Variants in SPECC1 observed in about 807,000 individuals in gnomAD.
SPECC1 encodes sperm antigen with calponin homology and coiled-coil domains 1, also known as cytospin-B.
Under a neutral mutation model 104.1 loss-of-function variants are expected in SPECC1, and 62 were observed. That is an observed-to-expected ratio of 0.60 (90% CI 0.49 to 0.74). SPECC1 has a LOEUF of 0.74. Ranked by LOEUF, SPECC1 falls within the 30% of genes least tolerant of loss-of-function variation. The probability of loss-of-function intolerance (pLI) is 0.00; values close to 1 mark genes in which losing one functional copy is unlikely to be tolerated. For missense variants in SPECC1, 1,306 were observed against 1,310.5 expected, an observed-to-expected ratio of 1.00 and a Z score of 0.05; for synonymous variants, 513 against 501.6, an observed-to-expected ratio of 1.02 and a Z score of -0.30.
At position 20,228,424 on chromosome 17, in the gene SPECC1, G is replaced by C. The variant is rs539209677; in HGVS notation, c.2071+804G>C. On this transcript the variant is annotated intron_variant, in intron 5 of 14. Transcript: ENST00000395527. Reference sequence around the variant, plus strand: ...TACTGCTGCTGTCTCCAGGCAGCCTGATCAGCTTGAAGGCCACATGTTAGG... The same window carrying C: ...TACTGCTGCTGTCTCCAGGCAGCCTCATCAGCTTGAAGGCCACATGTTAGG... Among the ~76,000 whole-genome samples the C allele has an allele frequency of 3.9e-5, 6 of 152,308 alleles. No individual in the cohort carries two copies. The South Asian group carries it at 1.2e-3, about 32-fold the overall frequency.
At chr17:20,189,866 A>T (rs564697043) in intron 3 of SPECC1, among the ~76,000 whole-genome samples, 1 of 152,300 alleles carries the variant, frequency 6.6e-6, no homozygotes, top group East Asian at 1.9e-4. Context: ...TGAGATAGAA[A>T]ATGTTTATCC....
chr17:20,281,950 G>A (rs1380346008), intron 12 of SPECC1, among the ~76,000 whole-genome samples: 1 of 152,230 alleles, frequency 6.6e-6, no homozygotes, highest in Non-Finnish European at 1.5e-5. Flanking sequence ...AGAACTGGGA[G>A]GCCCCTGCTG....
At chr17:20,276,320 A>G (rs913135385) in intron 12 of SPECC1, among the ~76,000 whole-genome samples, 1 of 151,986 alleles carries the variant, frequency 6.6e-6, no homozygotes, top group African/African-American at 2.4e-5. Flanking sequence ...GGGTGTTGCT[A>G]TGTTGCCCAG....
intron 4 of SPECC1, among the ~76,000 whole-genome samples, chr17:20,206,875 T>A (rs371966673): frequency 3.3e-4 from 51 of 152,386 alleles, no homozygotes; most frequent in Middle Eastern, 3.4e-3. Context: ...TACATTGTTA[T>A]ATCATTTAAA....
At chr17:20,110,373 C>G in intron 2 of SPECC1, 54 bp from the exon 3 acceptor site, 1 of 1,556,432 alleles carries the variant, frequency 6.4e-7, no homozygotes, top group Non-Finnish European at 8.7e-7. Flanking sequence ...GTTTATAGCG[C>G]TCCTTCCTGA....
At chr17:20,156,281 C>CA (rs1203372084) in intron 3 of SPECC1, 1 of 1,328,098 alleles carries the variant, frequency 7.5e-7, no homozygotes, top group Non-Finnish European at 9.7e-7. Context: ...CAACCCCACC[C>CA]CCCCTCCAGG....
At chr17:20,074,174 C>T (rs1362389148) in intron 1 of SPECC1, among the ~76,000 whole-genome samples, 1 of 152,118 alleles carries the variant, frequency 6.6e-6, no homozygotes, top group Non-Finnish European at 1.5e-5. Flanking sequence ...GCCCCTGGAA[C>T]GTTCTCGAGT....
intron 9 of SPECC1, among the ~76,000 whole-genome samples, chr17:20,247,959 C>G (rs2039486319): frequency 6.6e-6 from 1 of 152,114 alleles, no homozygotes; most frequent in Admixed American, 6.6e-5. Context: ...GAAAGTTGGC[C>G]CATTAAAGGA....
At chr17:20,121,024 C>T (rs2049000987) in intron 3 of SPECC1, among the ~76,000 whole-genome samples, 1 of 152,164 alleles carries the variant, frequency 6.6e-6, no homozygotes, top group Non-Finnish European at 1.5e-5. Context: ...GTTTCCAGGC[C>T]TTATGCTGTT....
chr17:20,203,354 A>G (rs1394418353), intron 3 of SPECC1, among the ~76,000 whole-genome samples: 1 of 152,058 alleles, frequency 6.6e-6, no homozygotes, highest in East Asian at 1.9e-4. Flanking sequence ...TCTAGAGCAC[A>G]ATGGAGACTG....
intron 3 of SPECC1, among the ~76,000 whole-genome samples, chr17:20,182,028 T>C (rs1341114122): frequency 6.6e-6 from 1 of 152,180 alleles, no homozygotes; most frequent in Non-Finnish European, 1.5e-5. Context: ...GAAAGTGTCT[T>C]TTTAAACTTG....
At chr17:20,191,466 C>T (rs1304670377) in intron 3 of SPECC1, among the ~76,000 whole-genome samples, 1 of 145,726 alleles carries the variant, frequency 6.9e-6, no homozygotes, top group Non-Finnish European at 1.5e-5. Context: ...AAATTGCCTA[C>T]GGATGTATGA....
At chr17:20,114,798 T>C (rs1308797912) in intron 3 of SPECC1, among the ~76,000 whole-genome samples, 1 of 152,222 alleles carries the variant, frequency 6.6e-6, no homozygotes, top group Non-Finnish European at 1.5e-5. Flanking sequence ...AAAGGGCACA[T>C]ATGCATAGTG....
intron 3 of SPECC1, among the ~76,000 whole-genome samples, chr17:20,122,498 T>C (rs1262173860): frequency 6.6e-6 from 1 of 152,174 alleles, no homozygotes; most frequent in Non-Finnish European, 1.5e-5. Context: ...TGTGGAAAAA[T>C]ACACATAATC....
chr17:20,243,911 A>C (rs2039308837), intron 7 of SPECC1, among the ~76,000 whole-genome samples: 1 of 152,182 alleles, frequency 6.6e-6, no homozygotes, highest in Admixed American at 6.5e-5. Context: ...GTACTGAGTC[A>C]TTTAAATGGA....
At chr17:20,031,025 T>G (rs1907815766) in intron 1 of SPECC1, among the ~76,000 whole-genome samples, 2 of 152,212 alleles carry the variant, frequency 1.3e-5, no homozygotes, top group African/African-American at 4.8e-5. Context: ...GACAGAATCT[T>G]GCTCTGTCGC....
At chr17:20,035,435 T>TAGG (rs1187507406) in intron 1 of SPECC1, among the ~76,000 whole-genome samples, 56 of 152,240 alleles carry the variant, frequency 3.7e-4, no homozygotes, top group Non-Finnish European at 6.9e-4. Context: ...TTTCACGCTA[T>TAGG]TTAAGTCTTC....
At chr17:20,182,736 A>G (rs2034993817) in intron 3 of SPECC1, among the ~76,000 whole-genome samples, 1 of 152,224 alleles carries the variant, frequency 6.6e-6, no homozygotes, top group South Asian at 2.1e-4. Context: ...ACTGAGTCTC[A>G]AGTAGCTTAG....
chr17:20,146,334 C>T (rs2031458219), intron 3 of SPECC1, among the ~76,000 whole-genome samples: 3 of 152,194 alleles, frequency 2.0e-5, no homozygotes, highest in Admixed American at 2.0e-4. Context: ...AGACCGGCTT[C>T]TTTCACTTAG....
Sources: gnomAD v4.1 joint callset for allele counts (sites outside exome capture counted in the v4.1 genomes callset) on GRCh38, gnomAD v4.1.1 for gene constraint, MANE v1.5 for transcripts, NCBI Gene and HGNC (gene_info 2026-07-23, HGNC 2026-07-21) for gene names.